The following TTLL8 variants were observed in gnomAD, a reference collection of about 807,000 sequenced individuals.
TTLL8 encodes the protein protein monoglycylase TTLL8.
A neutral mutation model predicts 77.8 loss-of-function variants in TTLL8; 65 were observed. That is an observed-to-expected ratio of 0.84 (90% CI 0.68 to 1.03). The LOEUF (loss-of-function observed/expected upper bound fraction) is 1.03. Ranked by LOEUF, TTLL8 falls within the 50% of genes least tolerant of loss-of-function variation. The probability of loss-of-function intolerance (pLI) is 0.00; values close to 1 mark genes in which losing one functional copy is unlikely to be tolerated. For missense variants in TTLL8, 910 were observed against 1,004.5 expected, an observed-to-expected ratio of 0.91 and a Z score of 1.27; for synonymous variants, 402 against 422.8, an observed-to-expected ratio of 0.95 and a Z score of 0.60.
intron 12 of TTLL8, among the ~76,000 whole-genome samples, chr22:50,028,549 C>T (rs1045816513): frequency 6.6e-6 from 1 of 151,898 alleles, no homozygotes; most frequent in Admixed American, 6.6e-5. Context: ...ATCAGGGAGG[C>T]GGCAACACCT....
intron 12 of TTLL8, among the ~76,000 whole-genome samples, chr22:50,021,286 G>A (rs564145324): frequency 8.4e-5 from 12 of 142,350 alleles, no homozygotes; most frequent in Admixed American, 1.4e-4. Flanking sequence ...CATCTGATGT[G>A]CACTCCTCCA....
rs566217844 is a variant in TTLL8, at chr22:50,041,927, A to G, written c.644-120T>C. 5 of 886,610 alleles carry G rather than the reference A, an allele frequency of 5.6e-6. No individual in the cohort carries two copies. In the East Asian group the frequency reaches 3.4e-4, roughly 61 times the overall value. 54.9% of individuals were successfully genotyped at this position (886,610 alleles called of 1,614,324 possible). A position where few individuals can be genotyped will look rare whatever the true frequency, so the allele number is the denominator to read the frequency against. On this transcript the variant is annotated intron_variant, in intron 6 of 13. Transcript: ENST00000266182. The surrounding 1 kb of genome is among the most constrained non-coding windows in gnomAD (Gnocchi z 4.3). ...TGCTCCACTCCCTCTGTGCCCCAATACCCAACAAGTATCCCAGATCCCCAG... is the reference window on the plus strand; with the variant it reads ...TGCTCCACTCCCTCTGTGCCCCAATGCCCAACAAGTATCCCAGATCCCCAG...
chr22:50,031,585 T>C (rs1250286188), intron 11 of TTLL8, 101 bp downstream of exon 12: 5 of 1,196,176 alleles, frequency 4.2e-6, no homozygotes, highest in Non-Finnish European at 5.3e-6. Context: ...TAGACCCCGC[T>C]GCACTGGCGG....
At chr22:50,024,621 C>G (rs2061221593) in intron 12 of TTLL8, among the ~76,000 whole-genome samples, 1 of 152,168 alleles carries the variant, frequency 6.6e-6, no homozygotes, top group South Asian at 2.1e-4. Flanking sequence ...CTAAATTTAA[C>G]GTTTTATTTA....
intron 12 of TTLL8, among the ~76,000 whole-genome samples, chr22:50,023,485 C>G (rs567841357): frequency 6.6e-6 from 1 of 151,784 alleles, no homozygotes; most frequent in Admixed American, 6.6e-5. Context: ...GAGATCGAGA[C>G]CATCCTGGCT....
intron 8 of TTLL8, among the ~76,000 whole-genome samples, chr22:50,036,417 C>T (rs1005677448): frequency 2.0e-5 from 3 of 152,102 alleles, no homozygotes; most frequent in Non-Finnish European, 2.9e-5. Flanking sequence ...ACAGTGTGTA[C>T]GTCCTTGTAC....
upstream of TTLL8, among the ~76,000 whole-genome samples, chr22:50,058,056 CGGGTCTGGGGTTCCGAA>C (rs558266145): frequency 6.7e-3 from 945 of 141,662 alleles, 5 homozygotes; most frequent in Non-Finnish European, 9.0e-3. The surrounding 1 kb of genome is among the most constrained non-coding windows in gnomAD (Gnocchi z 4.2). Flanking sequence ...GTGTGGGAGG[CGGGTCTGGGGTTCCGAA>C]GGCAGATGGG....
At chr22:50,056,819 C>T (rs1011809028), upstream of TTLL8, 3 of 1,289,594 alleles carry the variant, frequency 2.3e-6, no homozygotes, top group Admixed American at 4.6e-5. This position sits in a 1 kb window ranked among gnomAD's most constrained non-coding sequence, Gnocchi z 4.1. Flanking sequence ...CCTCTGAGCC[C>T]GGGCCACTCT....
chr22:50,049,174 G>A (rs1296015220), intron 3 of TTLL8, 75 bp downstream of exon 5: 11 of 1,359,790 alleles, frequency 8.1e-6, no homozygotes, highest in Non-Finnish European at 2.9e-6. Flanking sequence ...ATGGGAGAGT[G>A]GGCACGGAGC....
intron 12 of TTLL8, among the ~76,000 whole-genome samples, chr22:50,029,516 G>A (rs762800320): frequency 2.6e-5 from 4 of 151,526 alleles, no homozygotes; most frequent in South Asian, 2.1e-4. Context: ...CTGAGGCGGC[G>A]GATCACGAGG....
intron 12 of TTLL8, among the ~76,000 whole-genome samples, 42 bp from the exon 14 acceptor site, chr22:50,018,833 C>T (rs77625006): frequency 0.023 from 3,559 of 152,300 alleles, 64 homozygotes; most frequent in South Asian, 0.053. Flanking sequence ...CTCATCCGAA[C>T]GTCCCATCAC....
At chr22:50,025,353 T>G (rs2061225327) in intron 12 of TTLL8, among the ~76,000 whole-genome samples, 1 of 150,698 alleles carries the variant, frequency 6.6e-6, no homozygotes, top group South Asian at 2.1e-4. Flanking sequence ...ACAGTCCCAC[T>G]GTGCATATCT....
chr22:50,049,045 G>T, intron 3 of TTLL8: 2 of 596,846 alleles, frequency 3.4e-6, no homozygotes, highest in Non-Finnish European at 4.2e-6. Flanking sequence ...CTACACAGCG[G>T]CTCATCCAGC....
intron 8 of TTLL8, among the ~76,000 whole-genome samples, chr22:50,037,430 C>G (rs2061344500): frequency 6.6e-6 from 1 of 152,204 alleles, no homozygotes; most frequent in Admixed American, 6.5e-5. Flanking sequence ...TGGTCTGGAA[C>G]TCCTGACCTC....
chr22:50,019,621 A>G (rs2061183746), intron 12 of TTLL8, among the ~76,000 whole-genome samples: 1 of 152,198 alleles, frequency 6.6e-6, no homozygotes, highest in Non-Finnish European at 1.5e-5. Context: ...GTGCACCATC[A>G]GGGAGGTGGG....
chr22:50,030,840 G>A (rs2146645318), exon 12 of TTLL8: 1 of 1,341,304 alleles, frequency 7.5e-7, no homozygotes, highest in Non-Finnish European at 9.9e-7. Flanking sequence ...GTTGCAGACG[G>A]GCAGCACCTG....
chr22:50,033,481 C>T, intron 9 of TTLL8, 36 bp from the exon 11 acceptor site: 2 of 1,339,210 alleles, frequency 1.5e-6, no homozygotes. Flanking sequence ...GCATGCACAG[C>T]CACTGTGCAG....
At chr22:50,050,818 T>G (rs1480405004) in intron 1 of TTLL8, among the ~76,000 whole-genome samples, 1 of 152,230 alleles carries the variant, frequency 6.6e-6, no homozygotes, top group Non-Finnish European at 1.5e-5. Context: ...ACGTTTCCCA[T>G]GCTTACTTGA....
rs2061243564 is a variant in TTLL8, at chr22:50,028,225, TC to T, written c.2203+2204del. 3.3e-5 allele frequency among the ~76,000 whole-genome samples: 5 copies of T among 152,330 alleles called. No individual in the cohort carries two copies. In the South Asian group the frequency reaches 1.0e-3, roughly 32 times the overall value. ...GATCAAAGGCAGAGGAGATCTTTCC[TC>T]TTCAGCATGGTAATTTGGCACTGGG... On this transcript the variant is annotated intron_variant, in intron 12 of 13. Coordinates refer to ENST00000266182, the Ensembl canonical transcript of TTLL8.
Sources: gnomAD v4.1 joint callset for allele counts (sites outside exome capture counted in the v4.1 genomes callset) on GRCh38, gnomAD v4.1.1 for gene constraint, Gnocchi (gnomAD v3.1) non-coding constraint, MANE v1.5 for transcripts, NCBI Gene and HGNC (gene_info 2026-07-23, HGNC 2026-07-21) for gene names.